CELSR1: variants seen among roughly 807,000 people sequenced by gnomAD.
The protein encoded by CELSR1 is cadherin EGF LAG seven-pass G-type receptor 1.
CELSR1 carries 110 observed loss-of-function variants against 249.1 expected under a neutral mutation model. The observed-to-expected ratio is 0.44, with a 90% CI of 0.38 to 0.52. The LOEUF is 0.52. Among genes scored for constraint, CELSR1 ranks in the 20% least tolerant of loss-of-function variants. The probability of loss-of-function intolerance (pLI) is 0.00; values close to 1 mark genes in which losing one functional copy is unlikely to be tolerated. For synonymous variants in CELSR1, 2,113 were observed against 1,900.0 expected, an observed-to-expected ratio of 1.11 and a Z score of -2.92; for missense variants, 4,109 against 4,296.4, an observed-to-expected ratio of 0.96 and a Z score of 1.22.
At chr22:46,509,934 G>A (rs994244691) in intron 1 of CELSR1, among the ~76,000 whole-genome samples, 3 of 152,216 alleles carry the variant, frequency 2.0e-5, no homozygotes, top group East Asian at 1.9e-4. Context: ...CCCGCTGCCC[G>A]GCTCCACTCA....
At chr22:46,421,859 C>G (rs116075356) in intron 5 of CELSR1, among the ~76,000 whole-genome samples, 3,674 of 152,328 alleles carry the variant, frequency 0.024, 135 homozygotes, top group African/African-American at 0.082. Context: ...GGGAAGCTCA[C>G]GAAGGGCGTG....
At chr22:46,382,995 G>A (rs1221234038) in intron 20 of CELSR1, among the ~76,000 whole-genome samples, 2 of 152,206 alleles carry the variant, frequency 1.3e-5, no homozygotes, top group African/African-American at 2.4e-5. Flanking sequence ...GTTTGGATGT[G>A]TGGCCCCTCC....
At chr22:46,421,972 G>A (rs964101033) in intron 5 of CELSR1, among the ~76,000 whole-genome samples, 2 of 152,186 alleles carry the variant, frequency 1.3e-5, no homozygotes, top group African/African-American at 4.8e-5. Context: ...GGCCCTGAGG[G>A]CAAAATTACC....
At position 46,395,193 on chromosome 22, in the gene CELSR1, C is replaced by T. The variant is rs2065533651; in HGVS notation, c.5844-931G>A. Among the ~76,000 whole-genome samples, 1 of 152,064 alleles carries T rather than the reference C, an allele frequency of 6.6e-6. No individual in the cohort carries two copies. Among genetic ancestry groups the T allele is most frequent in the African/African-American group, 2.4e-5 (1 of 41,398 alleles). On this transcript the variant is annotated intron_variant, in intron 13 of 34. Coordinates refer to ENST00000674500, the MANE Select transcript of CELSR1 (RefSeq NM_001378328.1). The surrounding 1 kb of genome is among the most constrained non-coding windows in gnomAD (Gnocchi z 5.5). ...TGTGTGCAGCGTGGGGGCCCCAGAA[C>T]CTTCATCCCCCTGCAGCAGTGGTGA...
In CELSR1 at chr22:46,374,859, C is replaced by G. The variant is rs117826558; in HGVS notation, c.7585-1802G>C. Among the ~76,000 whole-genome samples, 1 of 152,134 alleles carries G rather than the reference C, an allele frequency of 6.6e-6. No individual in the cohort carries two copies. The highest frequency in any genetic ancestry group is 1.5e-5 in the Non-Finnish European group (1 of 68,024). ...CCCCTCCGCAGGAGCAGCGACCCTG[C>G]CATATGGGCCCCGCACACGGAGCCC... On this transcript the variant is annotated intron_variant, in intron 24 of 34. Transcript: ENST00000674500. The surrounding 1 kb of genome is among the most constrained non-coding windows in gnomAD (Gnocchi z 4.3).
In CELSR1 at chr22:46,410,343, G is replaced by A. The variant is rs1047299528; in HGVS notation, c.4933+55C>T. On this transcript the variant is annotated intron_variant, in intron 7 of 34. Transcript: ENST00000674500. This position sits in a 1 kb window ranked among gnomAD's most constrained non-coding sequence, Gnocchi z 6.8. Reference sequence around the variant, plus strand: ...AAGCAGTGACCTCTGTGTGGCTGCCGACGTCCAGCCAGATGCCACTGCGGC... The same window carrying A: ...AAGCAGTGACCTCTGTGTGGCTGCCAACGTCCAGCCAGATGCCACTGCGGC... The A allele has an allele frequency of 2.3e-5, 36 of 1,586,544 alleles. No individual in the cohort carries two copies. The highest frequency in any genetic ancestry group is 2.7e-5 in the Non-Finnish European group (31 of 1,158,554).
At chr22:46,419,998 CAT>C (rs771879086) in intron 5 of CELSR1, among the ~76,000 whole-genome samples, 8 of 151,442 alleles carry the variant, frequency 5.3e-5, no homozygotes, top group African/African-American at 1.2e-4. Context: ...CACCCACAAT[CAT>C]GTGCATACTC....
intron 25 of CELSR1, among the ~76,000 whole-genome samples, chr22:46,372,306 A>C (rs1463189440): frequency 6.1e-5 from 4 of 65,352 alleles, no homozygotes; most frequent in African/African-American, 6.2e-5. Context: ...CTCGCTCCCC[A>C]CCCATCCATC....
Position 46,536,599 on chromosome 22 carries a change from G to C in CELSR1, c.572C>G (p.Ala191Gly), listed in dbSNP as rs2080859546. Residue 191 changes from alanine to glycine, a missense_variant, in exon 1 of 35, where the codon GCT (alanine) becomes GGT (glycine). Physicochemically the swap from Ala to Gly is moderately conservative, Grantham distance 60. Coordinates refer to ENST00000674500, the MANE Select transcript of CELSR1 (RefSeq NM_001378328.1). ...CGCCAGTCCCACCCGGACGGCGCCA[G>C]CCGCGCGCCGCAGGGCGCACAGCAG... ...LRLLCALRRA[A>G]GAVRVGLALE... 1 of 1,184,338 alleles carries C rather than the reference G, an allele frequency of 8.4e-7. No homozygotes were observed. Among genetic ancestry groups the C allele is most frequent in the African/African-American group, 1.6e-5 (1 of 61,928 alleles). 73.4% of individuals were successfully genotyped at this position (1,184,338 alleles called of 1,614,324 possible). A position where few individuals can be genotyped will look rare whatever the true frequency, so the allele number is the denominator to read the frequency against.
At chr22:46,463,609 T>C (rs551743992) in intron 2 of CELSR1, 98 bp downstream of exon 2, 6 of 1,325,210 alleles carry the variant, frequency 4.5e-6, no homozygotes, top group East Asian at 2.7e-5. Flanking sequence ...CTCCAGCTGT[T>C]TTCCCCGGAG....
chr22:46,512,513 A>G lies in CELSR1; in HGVS notation c.3544+21114T>C, dbSNP rs1207172132. Among the ~76,000 whole-genome samples, 1 of 151,772 alleles carries G rather than the reference A, an allele frequency of 6.6e-6. No homozygotes were observed. Among genetic ancestry groups the G allele is most frequent in the Non-Finnish European group, 1.5e-5 (1 of 67,926 alleles). Reference sequence around the variant, plus strand: ...CTTGAACCCGGGAGGCGGAGGTTTCAGTGAGCCGAGATCACACCACTGCAC... The same window carrying G: ...CTTGAACCCGGGAGGCGGAGGTTTCGGTGAGCCGAGATCACACCACTGCAC... On this transcript the variant is annotated intron_variant, in intron 1 of 34. Coordinates refer to ENST00000674500, the MANE Select transcript of CELSR1 (RefSeq NM_001378328.1). The surrounding 1 kb of genome is among the most constrained non-coding windows in gnomAD (Gnocchi z 5.2).
intron 9 of CELSR1, 99 bp from the exon 10 acceptor site, chr22:46,400,001 A>T: frequency 8.1e-7 from 1 of 1,240,694 alleles, no homozygotes; most frequent in South Asian, 1.5e-5. Flanking sequence ...AAGGAGACTG[A>T]TTATGTGGCA....
chr22:46,477,118 TCTC>T (rs1393404626), intron 1 of CELSR1, among the ~76,000 whole-genome samples: 1 of 152,118 alleles, frequency 6.6e-6, no homozygotes, highest in African/African-American at 2.4e-5. Flanking sequence ...TGGAACTACT[TCTC>T]CTTCCAAGAG....
intron 1 of CELSR1, among the ~76,000 whole-genome samples, chr22:46,532,825 T>G (rs1419112708): frequency 1.3e-5 from 2 of 151,882 alleles, no homozygotes; most frequent in African/African-American, 2.4e-5. Context: ...TTAGTCCCCC[T>G]CCCCAGCACC....
Position 46,436,277 on chromosome 22 carries a change from C to G in CELSR1, c.4419G>C (p.Gln1473His), listed in dbSNP as rs780409010. 30 of 1,613,888 alleles carry G rather than the reference C, an allele frequency of 1.9e-5. No individual in the cohort carries two copies. Among genetic ancestry groups the G allele is most frequent in the Non-Finnish European group, 2.5e-5 (29 of 1,179,940 alleles). The change falls in exon 4 of 35, where the codon CAG becomes CAC. Residue 1473 changes from glutamine (Q) to histidine (H), a missense_variant. By Grantham distance (24) the Gln-to-His change is conservative (BLOSUM62 0). Around this residue, in one of 7 missense-constraint regions of CELSR1, gnomAD observed 453 missense variants for 492.0 expected, o/e 0.92. Transcript: ENST00000674500. The surrounding 1 kb of genome is among the most constrained non-coding windows in gnomAD (Gnocchi z 5.9). ...HFTISLTFAT[Q>H]ERNGLLLYNG... ...TGTAGAGAAGCAAGCCGTTCCTTTC[C>G]TGAGTGGCAAACCTGTGGGGCCAAG...
At chr22:46,493,634 C>T (rs1342185411) in intron 1 of CELSR1, among the ~76,000 whole-genome samples, 2 of 152,242 alleles carry the variant, frequency 1.3e-5, no homozygotes, top group Non-Finnish European at 1.5e-5. Context: ...GTAGCTCCCA[C>T]GATTCCCACG....
chr22:46,466,205 G>A (rs1459284065), intron 1 of CELSR1, among the ~76,000 whole-genome samples: 1 of 152,330 alleles, frequency 6.6e-6, no homozygotes, highest in South Asian at 2.1e-4. Flanking sequence ...CTGAGGCAAA[G>A]GACATGGTGG....
At chr22:46,533,361 G>T (rs193218633) in intron 1 of CELSR1, among the ~76,000 whole-genome samples, 1 of 152,258 alleles carries the variant, frequency 6.6e-6, no homozygotes, top group Admixed American at 6.5e-5. Flanking sequence ...GCTGAGGAAG[G>T]CGCTGATCCC....
At position 46,389,411 on chromosome 22, in the gene CELSR1, G is replaced by C; in HGVS notation, c.6434C>G (p.Thr2145Arg). Residue 2145 changes from threonine to arginine, a missense_variant, in exon 18 of 35, where the codon ACG becomes AGG. Around this residue, in one of 7 missense-constraint regions of CELSR1, gnomAD observed 1,805 missense variants for 1,831.6 expected, o/e 0.99. Transcript: ENST00000674500. ...CACGTCATTGCCAAAGAGCGTGCCC[G>C]TGTGCTGTGTAGCACTGCGCAGCGC... ...VRALRSATQH[T>R]GTLFGNDVRT... The C allele has an allele frequency of 6.2e-7, 1 of 1,612,440 alleles. No homozygotes were observed. Among genetic ancestry groups the C allele is most frequent in the Middle Eastern group, 1.7e-4 (1 of 5,986 alleles).
Sources: allele counts gnomAD v4.1 joint callset (sites outside exome capture counted in the v4.1 genomes callset), GRCh38; gene constraint gnomAD v4.1.1; regional missense constraint gnomAD v4.1.1; non-coding constraint Gnocchi (gnomAD v3.1); transcripts MANE v1.5; gene names NCBI Gene and HGNC (gene_info 2026-07-23, HGNC 2026-07-21).